NCOA1: variants seen among roughly 807,000 people sequenced by gnomAD.
The protein encoded by NCOA1 is nuclear receptor coactivator 1.
A neutral mutation model predicts 150.9 loss-of-function variants in NCOA1; 35 were observed. That is an observed-to-expected ratio of 0.23 (90% CI 0.18 to 0.31). NCOA1 has a LOEUF of 0.31. Among genes scored for constraint, NCOA1 ranks in the 10% least tolerant of loss-of-function variants. The pLI, the probability that NCOA1 is intolerant of heterozygous loss-of-function variation, is 1.00. For missense variants in NCOA1, 1,491 were observed against 1,749.3 expected, an observed-to-expected ratio of 0.85 and a Z score of 2.63; for synonymous variants, 590 against 630.0, an observed-to-expected ratio of 0.94 and a Z score of 0.95.
Position 24,707,606 on chromosome 2 carries a change from G to A in NCOA1, c.2136G>A (p.Lys712=). The change falls in exon 13 of 23, where the codon AAG becomes AAA. Residue 712 remains lysine (K), a synonymous_variant. Transcript: ENST00000348332. ...ITTLSVEPDK[K]DSASTSVSVT... is the part of the protein sequence containing the mutation. Reference sequence around the variant, plus strand: ...CTTTGTCTGTCGAGCCTGATAAAAAGGACAGTGCATCTACTTCTGTGTCAG... The same window carrying A: ...CTTTGTCTGTCGAGCCTGATAAAAAAGACAGTGCATCTACTTCTGTGTCAG... The A allele has an allele frequency of 6.2e-7, 1 of 1,614,162 alleles. No individual in the cohort carries two copies. The highest frequency in any genetic ancestry group is 8.5e-7 in the Non-Finnish European group (1 of 1,180,028).
At chr2:24,699,999 C>A (rs1389314343) in intron 11 of NCOA1, among the ~76,000 whole-genome samples, 1 of 152,048 alleles carries the variant, frequency 6.6e-6, no homozygotes, top group East Asian at 1.9e-4. Flanking sequence ...ACAAAATTAG[C>A]GCGCATGGTG....
rs942145000 is a variant in NCOA1, at chr2:24,642,037, T to TGTGTGTGTGTGTGTGTGTGTGCGCGC, written c.-174-1928_-174-1927insTGTGTGTGTGTGTGTGTGTGCGCGCG. On this transcript the variant is annotated intron_variant, in intron 3 of 22. Coordinates refer to ENST00000348332, the MANE Select transcript of NCOA1 (RefSeq NM_003743.5). The stretch of plus-strand genomic sequence containing the variant: ...GTGTGTGTGTGTGTGTGTGTGTGTG[T>TGTGTGTGTGTGTGTGTGTGTGCGCGC]GCGCGCGTGCGTATGTGTGTGTGTA... Among the ~76,000 whole-genome samples the TGTGTGTGTGTGTGTGTGTGTGCGCGC allele has an allele frequency of 6.3e-3, 878 of 138,488 alleles. 6 individuals carry two copies. Among genetic ancestry groups the TGTGTGTGTGTGTGTGTGTGTGCGCGC allele is most frequent in the Non-Finnish European group, 7.9e-3 (500 of 63,182 alleles). 90.9% of individuals were successfully genotyped at this position (138,488 alleles called of 152,430 possible). A position where few individuals can be genotyped will look rare whatever the true frequency, so the allele number is the denominator to read the frequency against.
intron 2 of NCOA1, among the ~76,000 whole-genome samples, chr2:24,569,552 ATTT>A (rs200639064): frequency 1.2e-3 from 112 of 93,790 alleles, no homozygotes; most frequent in Middle Eastern, 0.017. Flanking sequence ...GGTTTTATTA[ATTT>A]TTTTTTTTTT....
chr2:24,620,739 A>C (rs1669108496), intron 3 of NCOA1, among the ~76,000 whole-genome samples: 1 of 152,230 alleles, frequency 6.6e-6, no homozygotes, highest in Non-Finnish European at 1.5e-5. Context: ...CACATGTATA[A>C]AAATTTGATT....
chr2:24,664,444 C>T (rs1671320243), intron 5 of NCOA1, among the ~76,000 whole-genome samples: 1 of 152,180 alleles, frequency 6.6e-6, no homozygotes, highest in Admixed American at 6.5e-5. Flanking sequence ...GGCTTGGTAG[C>T]TCACGCCTAT....
chr2:24,723,989 G>C (rs1674482904), intron 14 of NCOA1, among the ~76,000 whole-genome samples: 1 of 152,040 alleles, frequency 6.6e-6, no homozygotes, highest in Admixed American at 6.5e-5. Flanking sequence ...CTTTCTACTT[G>C]GTGTACAGAA....
chr2:24,633,161 T>TA (rs1224883561), intron 3 of NCOA1, among the ~76,000 whole-genome samples: 1 of 151,796 alleles, frequency 6.6e-6, no homozygotes. Flanking sequence ...CACACATATA[T>TA]ATATACAAAT....
intron 15 of NCOA1, among the ~76,000 whole-genome samples, 195 bp downstream of exon 15, chr2:24,726,901 C>T (rs1202044262): frequency 2.7e-5 from 4 of 150,094 alleles, no homozygotes; most frequent in African/African-American, 7.4e-5. Context: ...CTTTGGGAGG[C>T]GGAGGCAGGT....
rs1023827670 is a variant in NCOA1, at chr2:24,526,471, C to T, written c.-396+34869C>T. 4.0e-4 allele frequency among the ~76,000 whole-genome samples: 60 copies of T among 151,520 alleles called. 1 individual carries two copies. Among genetic ancestry groups the T allele is most frequent in the African/African-American group, 1.2e-3 (48 of 41,210 alleles). ...AGGGGCAGAAATATTTGGGTTCCTC[C>T]GTTTATTAGTAAAGTGTCTTTGGAC... is the stretch of plus-strand genomic sequence containing the variant. On this transcript the variant is annotated intron_variant, in intron 1 of 22. Transcript: ENST00000348332.
intron 10 of NCOA1, among the ~76,000 whole-genome samples, chr2:24,694,192 A>G (rs1397227403): frequency 1.3e-5 from 2 of 152,194 alleles, no homozygotes; most frequent in Non-Finnish European, 2.9e-5. Context: ...TTCAGATTTT[A>G]TTTTCAGCAA....
intron 11 of NCOA1, among the ~76,000 whole-genome samples, chr2:24,700,012 G>A (rs1042668954): frequency 4.6e-5 from 7 of 151,980 alleles, no homozygotes; most frequent in African/African-American, 1.2e-4. Context: ...GCATGGTGGC[G>A]CAGTCCTGTA....
rs748406262 is a variant in NCOA1, at chr2:24,726,659, A to T, written c.2670A>T (p.Pro890=). ...AACCAGGAACAGGCGATCAGATTCC[A>T]TGGACAAATAATACAGTGACAGCTA... The part of the protein sequence containing the change: ...FGQPGTGDQI[P]WTNNTVTAIN... Residue 890 remains proline, a synonymous_variant, in exon 15 of 23, where the codon CCA becomes CCT. Transcript: ENST00000348332. 1 of 1,611,302 alleles carries T rather than the reference A, an allele frequency of 6.2e-7. No individual in the cohort carries two copies. Among genetic ancestry groups the T allele is most frequent in the Non-Finnish European group, 8.5e-7 (1 of 1,178,798 alleles).
chr2:24,705,223 A>G lies in NCOA1; in HGVS notation c.1087A>G (p.Ile363Val). 4.3e-6 allele frequency: 7 copies of G among 1,613,968 alleles called. No homozygotes were observed. Among genetic ancestry groups the G allele is most frequent in the Non-Finnish European group, 4.2e-6 (5 of 1,179,812 alleles). The part of the protein sequence containing the change: ...DMQPFIMGIH[I>V]IDREHSGLSP... Reference sequence around the variant, plus strand: ...GCAACCTTTCATCATGGGAATTCATATCATCGACAGGTACTACTTATTTGG... The same window carrying G: ...GCAACCTTTCATCATGGGAATTCATGTCATCGACAGGTACTACTTATTTGG... The change falls in exon 12 of 23, where the codon ATC becomes GTC. Residue 363 changes from isoleucine (I) to valine (V), a missense_variant. Transcript: ENST00000348332.
chr2:24,744,222 A>G (rs56088501), intron 19 of NCOA1, among the ~76,000 whole-genome samples: 11,081 of 152,224 alleles, frequency 0.073, 501 homozygotes, highest in African/African-American at 0.12. Context: ...TTTTTCTTCC[A>G]GACCAACTTC....
intron 3 of NCOA1, among the ~76,000 whole-genome samples, chr2:24,613,317 A>G (rs1668718032): frequency 6.6e-6 from 1 of 152,190 alleles, no homozygotes; most frequent in Non-Finnish European, 1.5e-5. Flanking sequence ...TACAGGAAGA[A>G]GCTCTCTGTT....
At chr2:24,685,323 G>A (rs1049751246) in intron 8 of NCOA1, among the ~76,000 whole-genome samples, 3 of 152,026 alleles carry the variant, frequency 2.0e-5, no homozygotes, top group Admixed American at 6.6e-5. Flanking sequence ...CTGAATGCTG[G>A]GAAGCTGGTA....
chr2:24,661,106 T>A (rs1671166973), intron 5 of NCOA1, among the ~76,000 whole-genome samples: 2 of 152,138 alleles, frequency 1.3e-5, no homozygotes, highest in African/African-American at 2.4e-5. Context: ...AATTTTTATG[T>A]TCACTAGGTA....
chr2:24,503,483 T>A (rs1207289330), intron 1 of NCOA1, among the ~76,000 whole-genome samples: 1 of 152,232 alleles, frequency 6.6e-6, no homozygotes, highest in Non-Finnish European at 1.5e-5. Flanking sequence ...TTTAATTGAA[T>A]ACCTGTTGTT....
chr2:24,672,137 C>CAGT (rs1558891864), intron 6 of NCOA1, among the ~76,000 whole-genome samples: 1 of 150,846 alleles, frequency 6.6e-6, no homozygotes, highest in African/African-American at 2.4e-5. Context: ...ATATATATAA[C>CAGT]AATATATTGT....
Sources: gnomAD v4.1 joint callset for allele counts (sites outside exome capture counted in the v4.1 genomes callset) on GRCh38, gnomAD v4.1.1 for gene constraint, MANE v1.5 for transcripts, NCBI Gene and HGNC (gene_info 2026-07-23, HGNC 2026-07-21) for gene names.